ELF2: variants seen among roughly 807,000 people sequenced by gnomAD.
ELF2 encodes the protein E74 like ETS transcription factor 2, also known as ETS-related transcription factor Elf-2.
A neutral mutation model predicts 54.8 loss-of-function variants in ELF2; 11 were observed. The observed-to-expected ratio is 0.20, with a 90% CI of 0.13 to 0.33. The LOEUF (loss-of-function observed/expected upper bound fraction) is 0.33. ELF2 is among the 10% of genes least tolerant of loss of function. ELF2 has a pLI of 1.00. For missense variants in ELF2, 513 were observed against 703.0 expected (o/e 0.73, Z 3.06); for synonymous variants, 203 against 245.1 (o/e 0.83, Z 1.61).
At chr4:139,138,122 G>C (rs915632917) in intron 2 of ELF2, among the ~76,000 whole-genome samples, 1 of 152,092 alleles carries the variant, frequency 6.6e-6, no homozygotes, top group African/African-American at 2.4e-5. Context: ...TATTCTAGGA[G>C]ATAAATATAA....
intron 7 of ELF2, 32 bp downstream of exon 7, chr4:139,067,652 T>A: frequency 6.2e-7 from 1 of 1,605,696 alleles, no homozygotes; most frequent in South Asian, 1.1e-5. Context: ...AAAAAAATCA[T>A]CTCACTTCCA....
rs199684410 is a variant in ELF2, at chr4:139,059,396, C to T, written c.1369G>A (p.Ala457Thr). ...ENGDKITMQP[A>T]KIITIPATQL... The stretch of plus-strand genomic sequence containing the variant: ...GTAGCTGGGATGGTAATAATTTTGG[C>T]AGGCTGCATGGTGATTTTGTCTCCA... Residue 457 changes from alanine to threonine, a missense_variant, in exon 10 of 10, where the codon GCC becomes ACC. Coordinates refer to ENST00000686138, the MANE Select transcript of ELF2 (RefSeq NM_001331036.3). The T allele has an allele frequency of 5.6e-6, 9 of 1,613,954 alleles. No individual in the cohort carries two copies. Among genetic ancestry groups the T allele is most frequent in the African/African-American group, 4.0e-5 (3 of 75,038 alleles).
Position 139,095,906 on chromosome 4 carries a change from C to T in ELF2, c.239-22339G>A, listed in dbSNP as rs187358735. Among the ~76,000 whole-genome samples the T allele has an allele frequency of 5.1e-3, 782 of 151,998 alleles. 11 individuals carry two copies. Among genetic ancestry groups the T allele is most frequent in the African/African-American group, 0.018 (755 of 41,464 alleles). On this transcript the variant is annotated intron_variant, in intron 4 of 9. Coordinates refer to ENST00000686138, the MANE Select transcript of ELF2 (RefSeq NM_001331036.3). ...CTGAAGTACAAAAATTAGCTGGGCA[C>T]GGTGGCACACGCCTGTAGAAACAGT...
chr4:139,079,899 C>A (rs1466637906), intron 4 of ELF2, among the ~76,000 whole-genome samples: 1 of 152,000 alleles, frequency 6.6e-6, no homozygotes, highest in Non-Finnish European at 1.5e-5. Context: ...GAGGGAGACT[C>A]CATCTCAAAA....
intron 4 of ELF2, among the ~76,000 whole-genome samples, chr4:139,113,276 A>G (rs1329369800): frequency 6.6e-6 from 1 of 151,768 alleles, no homozygotes; most frequent in East Asian, 2.0e-4. Flanking sequence ...GAGGAGCACT[A>G]CAGCCGGGAC....
At chr4:139,086,968 A>C (rs527537492) in intron 4 of ELF2, among the ~76,000 whole-genome samples, 1 of 152,336 alleles carries the variant, frequency 6.6e-6, no homozygotes, top group East Asian at 1.9e-4. Context: ...TAGGAGGATC[A>C]TAACTCCTAA....
intron 1 of ELF2, among the ~76,000 whole-genome samples, chr4:139,160,409 A>G (rs1393873918): frequency 2.6e-5 from 4 of 152,362 alleles, no homozygotes; most frequent in Non-Finnish European, 4.4e-5. Context: ...AAACTATTTC[A>G]TGGAGACCAT....
intron 9 of ELF2, among the ~76,000 whole-genome samples, 153 bp downstream of exon 9, chr4:139,060,171 T>TA (rs1223153935): frequency 6.6e-6 from 1 of 152,104 alleles, no homozygotes; most frequent in Non-Finnish European, 1.5e-5. Flanking sequence ...TTAACAACAA[T>TA]AAAAAATATA....
Position 139,059,270 on chromosome 4 carries a change from C to T in ELF2, c.1495G>A (p.Val499Ile). The T allele has an allele frequency of 1.2e-6, 2 of 1,613,858 alleles. No homozygotes were observed. Among genetic ancestry groups the T allele is most frequent in the East Asian group, 2.2e-5 (1 of 44,884 alleles). The change falls in exon 10 of 10, where the codon GTT becomes ATT. Residue 499 changes from valine (V) to isoleucine (I), a missense_variant. Val to Ile is a conservative substitution (Grantham distance 29, BLOSUM62 3). Coordinates refer to ENST00000686138, the MANE Select transcript of ELF2 (RefSeq NM_001331036.3). Reference sequence around the variant, plus strand: ...ACAGGTGTACCATGGGCTATTGAAACAGGGGTAAGTGCTCTCACAGCCAAT... The same window carrying T: ...ACAGGTGTACCATGGGCTATTGAAATAGGGGTAAGTGCTCTCACAGCCAAT... ...TPLAVRALTPVSIAHGTPVMR... is the reference protein window; with the variant it reads ...TPLAVRALTPISIAHGTPVMR...
chr4:139,094,585 A>T (rs921985455), intron 4 of ELF2, among the ~76,000 whole-genome samples: 1 of 152,222 alleles, frequency 6.6e-6, no homozygotes, highest in Non-Finnish European at 1.5e-5. Flanking sequence ...TGCTTACTTT[A>T]AAAAAGTAGG....
chr4:139,060,219 C>T (rs145436769), intron 9 of ELF2, 105 bp downstream of exon 9: 13 of 1,034,800 alleles, frequency 1.3e-5, no homozygotes, highest in Non-Finnish European at 1.6e-5. Flanking sequence ...CCTGACAACA[C>T]TGGGTTCTTA....
chr4:139,086,202 G>A (rs1731963174), intron 4 of ELF2, among the ~76,000 whole-genome samples: 1 of 118,396 alleles, frequency 8.4e-6, no homozygotes. Context: ...GTGAATGAGA[G>A]AATAGGAAGA....
intron 1 of ELF2, among the ~76,000 whole-genome samples, chr4:139,175,506 T>G (rs1742813610): frequency 6.6e-6 from 1 of 152,262 alleles, no homozygotes; most frequent in Non-Finnish European, 1.5e-5. Flanking sequence ...TTATTATTCC[T>G]AAATTCCCTT....
intron 1 of ELF2, among the ~76,000 whole-genome samples, chr4:139,150,838 C>T (rs778557480): frequency 1.4e-4 from 21 of 151,642 alleles, no homozygotes; most frequent in Non-Finnish European, 2.1e-4. Context: ...CTCGCTAACA[C>T]GGTGAAACCC....
Position 139,059,294 on chromosome 4 carries a change from A to C in ELF2, c.1471T>G (p.Leu491Val), listed in dbSNP as rs750225650. ...SGSINIVGTP[L>V]AVRALTPVSI... ...ACAGGGGTAAGTGCTCTCACAGCCA[A>C]TGGGGTTCCAACAATGTTAATGCTT... Residue 491 changes from leucine to valine, a missense_variant, in exon 10 of 10, where the codon TTG (leucine) becomes GTG (valine). Physicochemically the swap from Leu to Val is conservative, Grantham distance 32. This residue lies in a region of ELF2 where 291 missense variants were observed against 366.1 expected (regional missense o/e 0.79). Coordinates refer to ENST00000686138, the MANE Select transcript of ELF2 (RefSeq NM_001331036.3). 2.5e-6 allele frequency: 4 copies of C among 1,613,844 alleles called. No individual in the cohort carries two copies. The Admixed American group carries it at 6.7e-5, about 27-fold the overall frequency.
chr4:139,091,207 G>A (rs1415587975), intron 4 of ELF2, among the ~76,000 whole-genome samples: 2 of 152,162 alleles, frequency 1.3e-5, no homozygotes, highest in Non-Finnish European at 2.9e-5. Context: ...TGGGATTAAA[G>A]GCGTGAGCCA....
chr4:139,116,262 A>C (rs1035082959), intron 4 of ELF2, among the ~76,000 whole-genome samples: 1 of 152,200 alleles, frequency 6.6e-6, no homozygotes, highest in Non-Finnish European at 1.5e-5. Flanking sequence ...TAGAAAACTT[A>C]GGGCTAGGCT....
rs1727197438 is a variant in ELF2 at position 139,057,325 on chromosome 4, T to C, written c.*1658A>G. 1 of 152,228 alleles carries C rather than the reference T, an allele frequency of 6.6e-6. No individual in the cohort carries two copies. The highest frequency in any genetic ancestry group is 2.4e-5 in the African/African-American group (1 of 41,468). The allele number at this position is 152,228 out of a possible 1,614,324, so 9.4% of individuals were successfully genotyped here. ...AAGTTTAAAAGATTACAAAGGGAAC[T>C]GTTATAAACAATTTCTGACCTAAGT... On this transcript the variant is annotated 3_prime_UTR_variant, in exon 10 of 10. Coordinates refer to ENST00000686138, the MANE Select transcript of ELF2 (RefSeq NM_001331036.3).
rs530909730 is a variant in ELF2 at position 139,166,292 on chromosome 4, C to T, written c.-252+10675G>A. Among the ~76,000 whole-genome samples, 154 of 152,212 alleles carry T rather than the reference C, an allele frequency of 1.0e-3. 2 individuals are homozygous for T. Among genetic ancestry groups the T allele is most frequent in the Middle Eastern group, 3.4e-3 (1 of 294 alleles). ...ATCCCAGCTGCTTGGGAAGCTGAGA[C>T]AGAAGAATCACTTGAACCCAGGAAG... is the stretch of plus-strand genomic sequence containing the variant. On this transcript the variant is annotated intron_variant, in intron 1 of 9. Coordinates refer to ENST00000686138, the MANE Select transcript of ELF2 (RefSeq NM_001331036.3).
Sources: gnomAD v4.1 joint callset for allele counts (sites outside exome capture counted in the v4.1 genomes callset) on GRCh38, gnomAD v4.1.1 for gene constraint, gnomAD v4.1.1 regional missense constraint, MANE v1.5 for transcripts, NCBI Gene and HGNC (gene_info 2026-07-23, HGNC 2026-07-21) for gene names.